The following TTLL7 variants were observed in gnomAD, a reference collection of about 807,000 sequenced individuals.
TTLL7 encodes the protein tubulin tyrosine ligase like 7.
In TTLL7, 53 loss-of-function variants were observed where a neutral mutation model predicts 120.2. The observed-to-expected ratio is 0.44, with a 90% confidence interval of 0.35 to 0.55. The LOEUF is 0.55. Among genes scored for constraint, TTLL7 ranks in the 20% least tolerant of loss-of-function variants. The pLI, the probability that TTLL7 is intolerant of heterozygous loss-of-function variation, is 0.00. For synonymous variants in TTLL7, 353 were observed against 351.7 expected (o/e 1.00, Z -0.04); for missense variants, 803 against 1,054.7 (o/e 0.76, Z 3.31).
At chr1:83,870,756 C>T (rs1035520036) in intron 20 of TTLL7, among the ~76,000 whole-genome samples, 17 of 151,560 alleles carry the variant, frequency 1.1e-4, no homozygotes, top group Admixed American at 5.9e-4. Flanking sequence ...ACTAAAAATA[C>T]AAAATTAGCC....
chr1:83,990,416 C>A (rs980930277), intron 1 of TTLL7, among the ~76,000 whole-genome samples: 1 of 152,040 alleles, frequency 6.6e-6, no homozygotes, highest in African/African-American at 2.4e-5. Context: ...ACCTCATGAT[C>A]CACCCGCCTC....
intron 7 of TTLL7, 37 bp downstream of exon 7, chr1:83,942,426 A>G (rs757350724): frequency 6.5e-7 from 1 of 1,530,310 alleles, no homozygotes; most frequent in South Asian, 1.1e-5. Context: ...ATGTTGACAA[A>G]TGAATGAAAA....
At chr1:83,930,248 C>T (rs768760151) in intron 9 of TTLL7, among the ~76,000 whole-genome samples, 54 of 152,048 alleles carry the variant, frequency 3.6e-4, no homozygotes, top group Admixed American at 5.2e-4. Flanking sequence ...AAATGCATGT[C>T]TATACTAACC....
At chr1:83,892,687 T>TATATGAACATATGAACATAA (rs1655760852) in intron 18 of TTLL7, among the ~76,000 whole-genome samples, 1 of 127,890 alleles carries the variant, frequency 7.8e-6, no homozygotes, top group Non-Finnish European at 1.8e-5. Context: ...TATGAACATA[T>TATATGAACATATGAACATAA]ATATGAACAT....
At position 83,882,972 on chromosome 1, in the gene TTLL7, C is replaced by G; in HGVS notation, c.2534G>C (p.Gly845Ala). Residue 845 changes from glycine (G) to alanine (A), a missense_variant, in exon 20 of 21, where the codon GGT becomes GCT. Coordinates refer to ENST00000260505, the MANE Select transcript of TTLL7 (RefSeq NM_024686.6). ...GAATGTGAACAAGTACCTGGAATTA[C>G]CCCAGTCAGGACCAATGCCTGAAAG... Reference protein sequence around the residue: ...GSLSGIGPDWGNSRYLLPGST... With the variant: ...GSLSGIGPDWANSRYLLPGST... The G allele has an allele frequency of 6.2e-7, 1 of 1,610,944 alleles. No homozygotes were observed. Among genetic ancestry groups the G allele is most frequent in the Non-Finnish European group, 8.5e-7 (1 of 1,178,526 alleles).
chr1:83,952,699 A>C (rs1461382746), intron 1 of TTLL7, among the ~76,000 whole-genome samples: 2 of 152,254 alleles, frequency 1.3e-5, no homozygotes, highest in Non-Finnish European at 2.9e-5. Context: ...TTATTATCTT[A>C]GGCATTTATA....
intron 1 of TTLL7, among the ~76,000 whole-genome samples, chr1:83,974,245 TATCTATGAAAAA>T (rs1651256987): frequency 6.6e-6 from 1 of 151,944 alleles, no homozygotes; most frequent in Admixed American, 6.6e-5. Context: ...CGAACACATA[TATCTATGAAAAA>T]ATGAATGCTT....
chr1:83,922,685 A>T (rs1658784325), intron 10 of TTLL7, among the ~76,000 whole-genome samples: 1 of 139,892 alleles, frequency 7.1e-6, no homozygotes, highest in Non-Finnish European at 1.6e-5. Flanking sequence ...TCTCACATGG[A>T]CTTGAATACT....
chr1:83,907,137 T>C (rs543456112), intron 16 of TTLL7, among the ~76,000 whole-genome samples: 2 of 152,232 alleles, frequency 1.3e-5, no homozygotes, highest in East Asian at 1.9e-4. Flanking sequence ...AATTTAAAGA[T>C]AGACTGCATA....
chr1:83,931,502 G>A (rs1021017804), intron 9 of TTLL7, among the ~76,000 whole-genome samples: 2 of 151,898 alleles, frequency 1.3e-5, no homozygotes, highest in African/African-American at 2.4e-5. Context: ...CAGGTACACA[G>A]AGATATTAAT....
intron 20 of TTLL7, among the ~76,000 whole-genome samples, chr1:83,877,758 A>C (rs1654059425): frequency 1.3e-5 from 2 of 151,610 alleles, no homozygotes; most frequent in African/African-American, 4.8e-5. Flanking sequence ...TACCAATTTT[A>C]TTAGTATTTT....
chr1:83,920,382 T>C (rs985690616), intron 12 of TTLL7: 3 of 152,474 alleles, frequency 2.0e-5, no homozygotes, highest in Non-Finnish European at 4.4e-5. Context: ...TATACAAAAA[T>C]GTAAGCAGTG....
At chr1:83,930,091 A>G (rs901771475) in intron 9 of TTLL7, among the ~76,000 whole-genome samples, 1 of 152,176 alleles carries the variant, frequency 6.6e-6, no homozygotes. Context: ...GGTTCACCGC[A>G]GAAAAATAAG....
At chr1:83,952,057 C>A (rs1193209953) in intron 2 of TTLL7, 81 bp from the exon 3 acceptor site, 2 of 1,515,910 alleles carry the variant, frequency 1.3e-6, no homozygotes, top group Non-Finnish European at 1.8e-6. Context: ...CCCCACCCCA[C>A]ACCAAGGTAA....
At chr1:83,888,635 A>G (rs972239180) in intron 19 of TTLL7, among the ~76,000 whole-genome samples, 2 of 152,038 alleles carry the variant, frequency 1.3e-5, no homozygotes, top group Admixed American at 6.6e-5. Context: ...GCAGAAAGCC[A>G]TCTAATCAGA....
chr1:83,956,426 A>G (rs1021198691), intron 1 of TTLL7, among the ~76,000 whole-genome samples: 3 of 114,928 alleles, frequency 2.6e-5, no homozygotes, highest in Non-Finnish European at 5.9e-5. Flanking sequence ...CACCTAGCCC[A>G]CTTTTTTTTT....
At chr1:83,950,725 T>C (rs12757632) in intron 3 of TTLL7, among the ~76,000 whole-genome samples, 66,734 of 151,828 alleles carry the variant, frequency 0.44, 15,872 homozygotes, top group Non-Finnish European at 0.54. Flanking sequence ...TCCTGAGTCT[T>C]AACAGAATGG....
At position 83,929,183 on chromosome 1, in the gene TTLL7, A is replaced by G; in HGVS notation, c.1095T>C (p.Asp365=). 2 of 1,612,844 alleles carry G rather than the reference A, an allele frequency of 1.2e-6. No homozygotes were observed. ...CATTTAGCAGCACTCCCCTTTTTAC[A>G]TCATAGTCTATTTTCTGATCAGTTC... The part of the protein sequence containing the change: ...SFGTDQKIDY[D]VKRGVLLNAL... Residue 365 remains aspartate (D), a synonymous_variant, in exon 10 of 21, where the codon GAT becomes GAC. Coordinates refer to ENST00000260505, the MANE Select transcript of TTLL7 (RefSeq NM_024686.6).
intron 8 of TTLL7, 41 bp from the exon 9 acceptor site, chr1:83,933,807 C>T (rs746145102): frequency 5.1e-6 from 8 of 1,580,064 alleles, no homozygotes; most frequent in Non-Finnish European, 6.9e-6. Context: ...GCCTTTGTAT[C>T]TCATTTCATA....
Sources: allele counts gnomAD v4.1 joint callset (sites outside exome capture counted in the v4.1 genomes callset), GRCh38; gene constraint gnomAD v4.1.1; transcripts MANE v1.5; gene names NCBI Gene and HGNC (gene_info 2026-07-23, HGNC 2026-07-21).